Variants in CCDC24 observed in about 807,000 individuals in gnomAD.
CCDC24 encodes the protein coiled-coil domain-containing protein 24.
Under a neutral mutation model 31.6 loss-of-function variants are expected in CCDC24, and 34 were observed. That is an observed-to-expected ratio of 1.08 (90% CI 0.82 to 1.43). The LOEUF (loss-of-function observed/expected upper bound fraction) is 1.43, where lower values mean the gene tolerates loss of function less well. CCDC24 is among the 40% of genes most tolerant of loss of function. The pLI is 0.00. For missense variants in CCDC24, 426 were observed against 391.1 expected (o/e 1.09, Z -0.75); for synonymous variants, 175 against 157.3 (o/e 1.11, Z -0.84).
Position 43,995,980 on chromosome 1 carries a change from G to A in CCDC24, c.744G>A (p.Pro248=), listed in dbSNP as rs2085841397. Residue 248 remains proline (P), a synonymous_variant, in exon 9 of 9, where the codon CCG becomes CCA. Coordinates refer to ENST00000372318, the MANE Select transcript of CCDC24 (RefSeq NM_152499.4). This position sits in a 1 kb window ranked among gnomAD's most constrained non-coding sequence, Gnocchi z 4.3. The stretch of plus-strand genomic sequence containing the variant: ...CCTCCACACAGGGCCTCAGACCCCC[G>A]CTTCCCCTCTGCGGGGTTGCACCTC... The part of the protein sequence containing the change: ...LGSSTQGLRP[P]LPLCGVAPLQ... 4 of 1,614,042 alleles carry A rather than the reference G, an allele frequency of 2.5e-6. No individual in the cohort carries two copies. Among genetic ancestry groups the A allele is most frequent in the African/African-American group, 2.7e-5 (2 of 74,936 alleles).
rs751122287 is a variant in CCDC24 at position 43,996,010 on chromosome 1, G to A, written c.774G>A (p.Gln258=). The A allele has an allele frequency of 1.9e-6, 3 of 1,614,182 alleles. No individual in the cohort carries two copies. In the South Asian group the frequency reaches 3.3e-5, roughly 18 times the overall value. Residue 258 remains glutamine (Q), a synonymous_variant, in exon 9 of 9, where the codon CAG becomes CAA. Coordinates refer to ENST00000372318, the MANE Select transcript of CCDC24 (RefSeq NM_152499.4). ...CCCTCTGCGGGGTTGCACCTCTCCA[G>A]TGCTGCCTGCCTGCACCTCCTCTGG... ...PLPLCGVAPL[Q]CCLPAPPLEP...
In CCDC24 at chr1:43,995,520, G is replaced by A. The variant is rs1009786448; in HGVS notation, c.553-81G>A. 3.5e-6 allele frequency: 5 copies of A among 1,428,740 alleles called. No homozygotes were observed. The highest frequency in any genetic ancestry group is 4.6e-5 in the Admixed American group (2 of 43,640). The allele number at this position is 1,428,740 out of a possible 1,614,324, so 88.5% of individuals were successfully genotyped here. ...TGGGCTGAAGGGGCTGCACGGGCCTGCCCTGGGGATCTTGGCCTCTGTATC... is the reference window on the plus strand; with the variant it reads ...TGGGCTGAAGGGGCTGCACGGGCCTACCCTGGGGATCTTGGCCTCTGTATC... On this transcript the variant is annotated intron_variant, in intron 6 of 8. Transcript: ENST00000372318. This position sits in a 1 kb window ranked among gnomAD's most constrained non-coding sequence, Gnocchi z 4.3.
rs200493252 is a variant in CCDC24, at chr1:43,995,201, C to T, written c.552+39C>T. The T allele has an allele frequency of 6.5e-7, 1 of 1,543,606 alleles. No individual in the cohort carries two copies. The highest frequency in any genetic ancestry group is 1.2e-5 in the South Asian group (1 of 84,114). On this transcript the variant is annotated intron_variant, in intron 6 of 8. Transcript: ENST00000372318. The surrounding 1 kb of genome is among the most constrained non-coding windows in gnomAD (Gnocchi z 4.3). ...CTGGGCCCTCCCCCGAGCCTCACTG[C>T]TGAGCGTAGACTCTCACCTGGGTGA...
intron 4 of CCDC24, among the ~76,000 whole-genome samples, chr1:43,993,072 A>C (rs1301127654): frequency 6.6e-6 from 1 of 152,208 alleles, no homozygotes; most frequent in Non-Finnish European, 1.5e-5. Context: ...AAATATTCAT[A>C]AGTGGATGGC....
rs756951292 is a variant in CCDC24 at position 43,992,388 on chromosome 1, G to A, written c.302+1G>A. 1.2e-6 allele frequency: 2 copies of A among 1,614,172 alleles called. No homozygotes were observed. Reference sequence around the variant, plus strand: ...GCCACAAAGCCATCTGTGAGGGCAGGTGGGAGCCTCAGGCCTGGGCCCTTT... The same window carrying A: ...GCCACAAAGCCATCTGTGAGGGCAGATGGGAGCCTCAGGCCTGGGCCCTTT... On this transcript the variant is annotated splice_donor_variant, in intron 3 of 8. Transcript: ENST00000372318. LOFTEE classifies it high-confidence loss of function.
In CCDC24 at chr1:43,995,418, C is replaced by CCCA. The variant is rs2085823034; in HGVS notation, c.553-178_553-176dup. On this transcript the variant is annotated intron_variant, in intron 6 of 8. Transcript: ENST00000372318. This position sits in a 1 kb window ranked among gnomAD's most constrained non-coding sequence, Gnocchi z 4.3. ...CCTTTACCTAAGTCTGGGTACAGGC[C>CCCA]CCACCACTATCTTGCCAAACTCAGC... is the stretch of plus-strand genomic sequence containing the variant. 1 of 736,766 alleles carries CCCA rather than the reference C, an allele frequency of 1.4e-6. No homozygotes were observed. The highest frequency in any genetic ancestry group is 1.8e-5 in the African/African-American group (1 of 56,624). 45.6% of individuals were successfully genotyped at this position (736,766 alleles called of 1,614,324 possible). A position where few individuals can be genotyped will look rare whatever the true frequency, so the allele number is the denominator to read the frequency against.
chr1:43,994,681 T>C, intron 5 of CCDC24: 1 of 185,692 alleles, frequency 5.4e-6, no homozygotes, highest in Non-Finnish European at 1.1e-5. Flanking sequence ...GATCTCATGA[T>C]CCGCCCATCT....
At position 43,992,545 on chromosome 1, in the gene CCDC24, C is replaced by T. The variant is rs1557656593; in HGVS notation, c.325C>T (p.Gln109Ter). 1 of 1,614,218 alleles carries T rather than the reference C, an allele frequency of 6.2e-7. No homozygotes were observed. The highest frequency in any genetic ancestry group is 2.2e-5 in the East Asian group (1 of 44,880). Residue 109 changes from glutamine (Q) to a stop codon, truncating the protein, a stop_gained, in exon 4 of 9, where the codon CAG (glutamine) becomes TAG (stop). Transcript: ENST00000372318. LOFTEE classifies it high-confidence loss of function. ...CAGGGACCAGGCCCAAGCTTGGGTC[C>T]AGTATAGCCCCAGGGTCCTGCACTT... ...EGRDQAQAWV[Q>*]YSPRVLHFAL... is the part of the protein sequence containing the mutation.
intron 2 of CCDC24, 60 bp from the exon 3 acceptor site, chr1:43,992,151 AG>A (rs1557656227): frequency 6.6e-7 from 1 of 1,504,744 alleles, no homozygotes; most frequent in Admixed American, 1.9e-5. Context: ...TCACTCCCCC[AG>A]CCCCCACCAT....
rs1468542755 is a variant in CCDC24, at chr1:43,993,879, A to C, written c.420-8A>C. 2.5e-6 allele frequency: 4 copies of C among 1,614,076 alleles called. No individual in the cohort carries two copies. Among genetic ancestry groups the C allele is most frequent in the Non-Finnish European group, 3.4e-6 (4 of 1,179,914 alleles). On this transcript the variant is annotated splice_polypyrimidine_tract_variant and splice_region_variant and intron_variant, in intron 4 of 8. Coordinates refer to ENST00000372318, the MANE Select transcript of CCDC24 (RefSeq NM_152499.4). ...ACATGCGGAGAGTGATAGTGACTTC[A>C]TTGCCAGCAGCGGTCACAGAGATCT...
chr1:43,993,285 G>GAAAAA (rs34298087), intron 4 of CCDC24, among the ~76,000 whole-genome samples: 1 of 148,686 alleles, frequency 6.7e-6, no homozygotes, highest in Non-Finnish European at 1.5e-5. Context: ...TACAAAAAGT[G>GAAAAA]AAAAAAAAAA....
At chr1:43,993,211 C>T (rs758160221) in intron 4 of CCDC24, among the ~76,000 whole-genome samples, 29 of 151,196 alleles carry the variant, frequency 1.9e-4, no homozygotes, top group Non-Finnish European at 2.1e-4. Context: ...GAGGCTGAGG[C>T]GGGAGGATGG....
At position 43,996,508 on chromosome 1, in the gene CCDC24, T is replaced by G; in HGVS notation, c.*348T>G. 2 of 278,556 alleles carry G rather than the reference T, an allele frequency of 7.2e-6. No homozygotes were observed. The highest frequency in any genetic ancestry group is 2.2e-5 in the African/African-American group (1 of 45,420). The allele number at this position is 278,556 out of a possible 1,614,324, so 17.3% of individuals were successfully genotyped here. ...TCAGAGACAGGAATAGAAATTTCAT[T>G]AAAATCTATGGACTTTAAAATCCTA... On this transcript the variant is annotated 3_prime_UTR_variant, in exon 9 of 9. Transcript: ENST00000372318.
chr1:43,992,893 GGGAGATGAAAGAGAAGAGCT>G (rs1334311827), intron 4 of CCDC24, among the ~76,000 whole-genome samples: 20 of 152,234 alleles, frequency 1.3e-4, no homozygotes, highest in Non-Finnish European at 2.4e-4. Flanking sequence ...GCAGTTTTCA[GGGAGATGAAAGAGAAGAGCT>G]TTGTAGGAAG....
In CCDC24 at chr1:43,991,645, C is replaced by T. The variant is rs569179016; in HGVS notation, c.-134C>T. On this transcript the variant is annotated 5_prime_UTR_variant, in exon 1 of 9. Transcript: ENST00000372318. ...GTTCCCACTGCCTGGTTTCTGGGCC[C>T]CCGGCATCCGAGTCGGCCAAAAGCC... 4.2e-6 allele frequency: 3 copies of T among 711,692 alleles called. No individual in the cohort carries two copies. The highest frequency in any genetic ancestry group is 7.6e-6 in the Non-Finnish European group (3 of 393,464). The allele number at this position is 711,692 out of a possible 1,614,324, so 44.1% of individuals were successfully genotyped here.
At chr1:43,994,954 G>C in intron 5 of CCDC24, 154 bp from the exon 6 acceptor site, 1 of 660,876 alleles carries the variant, frequency 1.5e-6, no homozygotes, top group Non-Finnish European at 2.7e-6. Flanking sequence ...CGTCTATGCT[G>C]GGTCAGCCCC....
chr1:43,995,319 A>G lies in CCDC24; in HGVS notation c.552+157A>G. The stretch of plus-strand genomic sequence containing the variant: ...GGGGTGCATGCTTGTGTGCACCTGC[A>G]AAATCCTGGAGGCCCAGGATTCTAG... On this transcript the variant is annotated intron_variant, in intron 6 of 8. Transcript: ENST00000372318. The surrounding 1 kb of genome is among the most constrained non-coding windows in gnomAD (Gnocchi z 4.3). 1 of 832,336 alleles carries G rather than the reference A, an allele frequency of 1.2e-6. No individual in the cohort carries two copies. The highest frequency in any genetic ancestry group is 1.9e-6 in the Non-Finnish European group (1 of 533,972). 51.6% of individuals were successfully genotyped at this position (832,336 alleles called of 1,614,324 possible). A position where few individuals can be genotyped will look rare whatever the true frequency, so the allele number is the denominator to read the frequency against.
chr1:43,996,265 G>T lies in CCDC24; in HGVS notation c.*105G>T. On this transcript the variant is annotated 3_prime_UTR_variant, in exon 9 of 9. Coordinates refer to ENST00000372318, the MANE Select transcript of CCDC24 (RefSeq NM_152499.4). ...CCAGCTTCAGATCTGGTCTTGGCGA[G>T]CTCTCGCCAGGACCCCAAGGCTGTT... The T allele has an allele frequency of 1.4e-5, 15 of 1,085,720 alleles. No individual in the cohort carries two copies. The South Asian group carries it at 1.6e-4, about 12-fold the overall frequency. 67.3% of individuals were successfully genotyped at this position (1,085,720 alleles called of 1,614,324 possible).
At position 43,995,426 on chromosome 1, in the gene CCDC24, T is replaced by A; in HGVS notation, c.553-175T>A. 2 of 762,346 alleles carry A rather than the reference T, an allele frequency of 2.6e-6. No homozygotes were observed. The highest frequency in any genetic ancestry group is 4.2e-6 in the Non-Finnish European group (2 of 481,278). The allele number at this position is 762,346 out of a possible 1,614,324, so 47.2% of individuals were successfully genotyped here. ...TAAGTCTGGGTACAGGCCCCACCACTATCTTGCCAAACTCAGCTCTTCCGC... is the reference window on the plus strand; with the variant it reads ...TAAGTCTGGGTACAGGCCCCACCACAATCTTGCCAAACTCAGCTCTTCCGC... On this transcript the variant is annotated intron_variant, in intron 6 of 8. Transcript: ENST00000372318. This position sits in a 1 kb window ranked among gnomAD's most constrained non-coding sequence, Gnocchi z 4.3.
Sources: allele counts gnomAD v4.1 joint callset (sites outside exome capture counted in the v4.1 genomes callset), GRCh38; gene constraint gnomAD v4.1.1; non-coding constraint Gnocchi (gnomAD v3.1); transcripts MANE v1.5; gene names NCBI Gene and HGNC (gene_info 2026-07-23, HGNC 2026-07-21).